MAN1C1: variants seen among roughly 807,000 people sequenced by gnomAD.
The protein encoded by MAN1C1 is mannosidase alpha class 1C member 1, also known as mannosyl-oligosaccharide 1,2-alpha-mannosidase IC.
In MAN1C1, 49 loss-of-function variants were observed where a neutral mutation model predicts 71.5. That is an observed-to-expected ratio of 0.69 (90% CI 0.54 to 0.87). The LOEUF (loss-of-function observed/expected upper bound fraction) is 0.87, where lower values mean the gene tolerates loss of function less well. Among genes scored for constraint, MAN1C1 ranks in the 40% least tolerant of loss-of-function variants. MAN1C1 has a pLI of 0.00. For missense variants in MAN1C1, 743 were observed against 835.0 expected (o/e 0.89, Z 1.36); for synonymous variants, 352 against 343.7 (o/e 1.02, Z -0.27).
At chr1:25,689,584 T>G (rs2046279384) in intron 2 of MAN1C1, among the ~76,000 whole-genome samples, 1 of 152,120 alleles carries the variant, frequency 6.6e-6, no homozygotes, top group Non-Finnish European at 1.5e-5. Flanking sequence ...GGGGTTCTAG[T>G]TGGGGTGAAC....
intron 2 of MAN1C1, among the ~76,000 whole-genome samples, chr1:25,700,652 C>T (rs1384177680): frequency 6.6e-6 from 1 of 152,200 alleles, no homozygotes; most frequent in Non-Finnish European, 1.5e-5. Flanking sequence ...TTGTCATACT[C>T]CTCGAACTCT....
intron 1 of MAN1C1, among the ~76,000 whole-genome samples, chr1:25,629,301 G>A (rs2124752182): frequency 6.6e-6 from 1 of 152,248 alleles, no homozygotes; most frequent in South Asian, 2.1e-4. Context: ...CAGGAGTAAG[G>A]TTGTGGTTTT....
At chr1:25,768,224 TAC>T (rs1224535519) in intron 7 of MAN1C1, among the ~76,000 whole-genome samples, 2 of 53,938 alleles carry the variant, frequency 3.7e-5, no homozygotes, top group African/African-American at 7.8e-5. Flanking sequence ...ATACACACAT[TAC>T]ACACACTCCC....
At chr1:25,651,028 AG>A (rs1464078002) in intron 1 of MAN1C1, among the ~76,000 whole-genome samples, 3 of 152,010 alleles carry the variant, frequency 2.0e-5, no homozygotes, top group Non-Finnish European at 4.4e-5. Flanking sequence ...TTGGCTTAGG[AG>A]AAGGGGAGAA....
At chr1:25,683,087 T>C (rs1335445928) in intron 1 of MAN1C1, among the ~76,000 whole-genome samples, 1 of 151,358 alleles carries the variant, frequency 6.6e-6, no homozygotes, top group Non-Finnish European at 1.5e-5. Context: ...CAGGAGACCT[T>C]TGAGGTCTTA....
chr1:25,620,580 T>TGCCTGTTTTCACAAA (rs1313586033), intron 1 of MAN1C1, among the ~76,000 whole-genome samples: 7 of 152,192 alleles, frequency 4.6e-5, no homozygotes, highest in African/African-American at 1.7e-4. Context: ...TGCCCAGGGG[T>TGCCTGTTTTCACAAA]AGATCATTTT....
chr1:25,771,244 G>A (rs2047547041), intron 7 of MAN1C1, among the ~76,000 whole-genome samples: 1 of 152,174 alleles, frequency 6.6e-6, no homozygotes, highest in African/African-American at 2.4e-5. Context: ...CTTTCCCGTG[G>A]CCTTTTATGA....
intron 2 of MAN1C1, among the ~76,000 whole-genome samples, chr1:25,712,954 G>A (rs1280523446): frequency 2.0e-5 from 3 of 152,058 alleles, no homozygotes; most frequent in Non-Finnish European, 2.9e-5. Context: ...TATTGACTTG[G>A]GATTAAACTC....
chr1:25,628,110 T>C (rs1361764218), intron 1 of MAN1C1, among the ~76,000 whole-genome samples: 10 of 152,140 alleles, frequency 6.6e-5, no homozygotes, highest in Non-Finnish European at 1.5e-4. Flanking sequence ...CTTAACAGTA[T>C]TGGGTCTTTC....
At chr1:25,768,768 A>C in intron 7 of MAN1C1, among the ~76,000 whole-genome samples, 1 of 131,516 alleles carries the variant, frequency 7.6e-6, no homozygotes, top group African/African-American at 3.0e-5. Flanking sequence ...ACATACATCC[A>C]CACTCCCCTC....
At chr1:25,739,125 A>G (rs2047022354) in intron 2 of MAN1C1, among the ~76,000 whole-genome samples, 1 of 151,938 alleles carries the variant, frequency 6.6e-6, no homozygotes, top group African/African-American at 2.4e-5. Flanking sequence ...AGAGCAAGAG[A>G]CCCTGTCTCA....
intron 1 of MAN1C1, among the ~76,000 whole-genome samples, chr1:25,626,451 T>G (rs1022940657): frequency 6.6e-6 from 1 of 151,942 alleles, no homozygotes; most frequent in Non-Finnish European, 1.5e-5. Flanking sequence ...CTCTGCCTCC[T>G]GGGTTCACGC....
chr1:25,629,336 C>T (rs2045346027), intron 1 of MAN1C1, among the ~76,000 whole-genome samples: 1 of 152,142 alleles, frequency 6.6e-6, no homozygotes. Context: ...TTTTAATTTG[C>T]ATTTCCCTGA....
chr1:25,702,467 C>T (rs1572161119), intron 2 of MAN1C1, among the ~76,000 whole-genome samples: 1 of 152,330 alleles, frequency 6.6e-6, no homozygotes, highest in African/African-American at 2.4e-5. Flanking sequence ...AGCCAGGCAG[C>T]TCCTCAGGGC....
intron 1 of MAN1C1, among the ~76,000 whole-genome samples, chr1:25,677,968 G>C (rs1462803806): frequency 7.6e-6 from 1 of 130,952 alleles, no homozygotes; most frequent in Non-Finnish European, 1.6e-5. Context: ...TCTTCTTTTT[G>C]TTTTTCATTT....
At chr1:25,771,601 C>A in intron 7 of MAN1C1, 56 bp from the exon 8 acceptor site, 2 of 1,392,062 alleles carry the variant, frequency 1.4e-6, no homozygotes, top group Non-Finnish European at 2.0e-6. Flanking sequence ...GAGGCCCTGC[C>A]CCGTGAGAGC....
chr1:25,733,795 TA>T (rs1443711233), intron 2 of MAN1C1, among the ~76,000 whole-genome samples: 3 of 151,568 alleles, frequency 2.0e-5, no homozygotes, highest in African/African-American at 7.3e-5. Flanking sequence ...ATTTATTTAT[TA>T]TTTTTATTTT....
Position 25,779,409 on chromosome 1 carries a change from C to T in MAN1C1, c.1477+1085C>T, listed in dbSNP as rs1161946746. Among the ~76,000 whole-genome samples the T allele has an allele frequency of 6.6e-6, 1 of 152,154 alleles. No homozygotes were observed. Among genetic ancestry groups the T allele is most frequent in the East Asian group, 1.9e-4 (1 of 5,178 alleles). ...CCGCCCATCATGATGTGTCTGTGCC[C>T]GCCCCAGCTGAATGGGGTCTCCTGG... On this transcript the variant is annotated intron_variant, in intron 9 of 11. Coordinates refer to ENST00000374332, the MANE Select transcript of MAN1C1 (RefSeq NM_020379.4). This position sits in a 1 kb window ranked among gnomAD's most constrained non-coding sequence, Gnocchi z 4.6.
intron 2 of MAN1C1, among the ~76,000 whole-genome samples, chr1:25,714,168 A>G (rs2046649538): frequency 6.6e-6 from 1 of 152,174 alleles, no homozygotes; most frequent in Admixed American, 6.5e-5. Context: ...ACTGCGATTC[A>G]TTTGTCTGCA....
Sources: allele counts gnomAD v4.1 joint callset (sites outside exome capture counted in the v4.1 genomes callset), GRCh38; gene constraint gnomAD v4.1.1; non-coding constraint Gnocchi (gnomAD v3.1); transcripts MANE v1.5; gene names NCBI Gene and HGNC (gene_info 2026-07-23, HGNC 2026-07-21).